The following MAP3K19 variants were observed in gnomAD, a reference collection of about 807,000 sequenced individuals.
MAP3K19 encodes mitogen-activated protein kinase kinase kinase 19.
MAP3K19 carries 91 observed loss-of-function variants against 114.4 expected under a neutral mutation model. The ratio of observed to expected loss-of-function variants is 0.80; its 90% CI spans 0.67 to 0.95. MAP3K19 has a LOEUF of 0.95. MAP3K19 is among the 40% of genes least tolerant of loss of function. The pLI is 0.00. For synonymous variants in MAP3K19, 518 were observed against 530.5 expected, an observed-to-expected ratio of 0.98 and a Z score of 0.32; for missense variants, 1,471 against 1,573.2, an observed-to-expected ratio of 0.94 and a Z score of 1.10.
chr2:135,037,627 G>A (rs1688561471), intron 2 of MAP3K19, among the ~76,000 whole-genome samples: 1 of 152,126 alleles, frequency 6.6e-6, no homozygotes, highest in East Asian at 1.9e-4. Context: ...GAGCAAAAGT[G>A]CCAAGTGTCT....
chr2:134,970,251 C>T (rs1683774214), intron 12 of MAP3K19, among the ~76,000 whole-genome samples: 1 of 152,098 alleles, frequency 6.6e-6, no homozygotes, highest in African/African-American at 2.4e-5. Flanking sequence ...TCTTGTGACC[C>T]ATGAGCATTT....
At position 134,983,672 on chromosome 2, in the gene MAP3K19, TTAC is replaced by T; in HGVS notation, c.3222+1_3222+3del. ...GCTGATTTCAAGTTTCCAGTTTAAC[TTAC>T]TGTGCCGTAGGCTCCCTTTCCAAGA... is the stretch of plus-strand genomic sequence containing the variant. On this transcript the variant is annotated splice_donor_variant and splice_donor_region_variant and intron_variant, in intron 11 of 12. Transcript: ENST00000392915. LOFTEE classifies it high-confidence loss of function. The T allele has an allele frequency of 6.5e-7, 1 of 1,540,894 alleles. No individual in the cohort carries two copies. Among genetic ancestry groups the T allele is most frequent in the Non-Finnish European group, 8.7e-7 (1 of 1,149,676 alleles).
chr2:134,992,278 C>G (rs1294492128), intron 8 of MAP3K19, among the ~76,000 whole-genome samples: 3 of 152,080 alleles, frequency 2.0e-5, no homozygotes, highest in Admixed American at 2.0e-4. Context: ...TAAGTGTCTC[C>G]CAACAGTTGT....
Position 135,033,373 on chromosome 2 carries a change from A to AC in MAP3K19, c.-283-2874dup, listed in dbSNP as rs1230827586. ...GGGCAGCTGGCCGGGTGGGGGGCTG[A>AC]CCCCCCCCACTGCCCTCCCGGACGG... On this transcript the variant is annotated intron_variant, in intron 2 of 12. Coordinates refer to ENST00000392915, the MANE Select transcript of MAP3K19 (RefSeq NM_025052.5). Among the ~76,000 whole-genome samples, 28 of 88,010 alleles carry AC rather than the reference A, an allele frequency of 3.2e-4. 2 individuals are homozygous for AC. The highest frequency in any genetic ancestry group is 7.7e-4 in the Admixed American group (6 of 7,788). 57.7% of individuals were successfully genotyped at this position (88,010 alleles called of 152,430 possible). A position where few individuals can be genotyped will look rare whatever the true frequency, so the allele number is the denominator to read the frequency against.
chr2:134,981,655 G>T, intron 11 of MAP3K19, 137 bp from the exon 12 acceptor site: 2 of 684,432 alleles, frequency 2.9e-6, no homozygotes, highest in Non-Finnish European at 4.9e-6. Flanking sequence ...CTTCCTAAAT[G>T]CAAAGTGTTT....
chr2:134,996,746 C>T lies in MAP3K19; in HGVS notation c.574+1992G>A, dbSNP rs147268436. Among the ~76,000 whole-genome samples the T allele has an allele frequency of 1.8e-3, 270 of 152,252 alleles. 1 individual carries two copies. Among genetic ancestry groups the T allele is most frequent in the Middle Eastern group, 6.8e-3 (2 of 294 alleles). Reference sequence around the variant, plus strand: ...TGGCAAGATATGAGGCTGAAAGAGGCTGTTGAAGCTGAACACGGTGGCTCA... The same window carrying T: ...TGGCAAGATATGAGGCTGAAAGAGGTTGTTGAAGCTGAACACGGTGGCTCA... On this transcript the variant is annotated intron_variant, in intron 8 of 12. Transcript: ENST00000392915.
rs1177443277 is a variant in MAP3K19, at chr2:134,987,446, G to A, written c.1426C>T (p.Pro476Ser). ...AGAGGCACCATCCTACTCATTTCTG[G>A]TTTGGCTCTTTCTGCTATTGATATT... ...IKISIAERAK[P>S]EMSRMVPLIH... The change falls in exon 10 of 13, where the codon CCA becomes TCA. Residue 476 changes from proline (P) to serine (S), a missense_variant. Physicochemically the swap from Pro to Ser is moderately conservative, Grantham distance 74. Transcript: ENST00000392915. 8.7e-6 allele frequency: 14 copies of A among 1,614,056 alleles called. No homozygotes were observed. Among genetic ancestry groups the A allele is most frequent in the African/African-American group, 1.3e-5 (1 of 74,994 alleles).
At chr2:134,969,095 C>T (rs1240534029) in intron 12 of MAP3K19, among the ~76,000 whole-genome samples, 1 of 152,188 alleles carries the variant, frequency 6.6e-6, no homozygotes, top group African/African-American at 2.4e-5. Context: ...CGTCTGCAAT[C>T]CCGGCACCTT....
chr2:134,999,799 C>T lies in MAP3K19; in HGVS notation c.314+138G>A. On this transcript the variant is annotated intron_variant, in intron 7 of 12. Transcript: ENST00000392915. The surrounding 1 kb of genome is among the most constrained non-coding windows in gnomAD (Gnocchi z 4.1). ...ACAGCCAAAGTGTTTATGATCTGGC[C>T]TCTGCCACATACTATTTATTGTGAC... 1.5e-6 allele frequency: 1 copy of T among 648,360 alleles called. No homozygotes were observed. Among genetic ancestry groups the T allele is most frequent in the Non-Finnish European group, 2.7e-6 (1 of 365,556 alleles). The allele number at this position is 648,360 out of a possible 1,614,324, so 40.2% of individuals were successfully genotyped here. A position where few individuals can be genotyped will look rare whatever the true frequency, so the allele number is the denominator to read the frequency against.
intron 12 of MAP3K19, among the ~76,000 whole-genome samples, chr2:134,979,887 C>T (rs949709124): frequency 5.3e-5 from 8 of 152,014 alleles, no homozygotes; most frequent in African/African-American, 1.9e-4. Context: ...GAGAGGGAGA[C>T]CTGTAGATTC....
rs547374035 is a variant in MAP3K19, at chr2:135,000,745, A to C, written c.236-730T>G. On this transcript the variant is annotated intron_variant, in intron 6 of 12. Coordinates refer to ENST00000392915, the MANE Select transcript of MAP3K19 (RefSeq NM_025052.5). ...TAGAAGCAAGTGGTGATGTGGGAGC[A>C]GAGAGGCGTGTCCTTCCGGGAGGAC... 3.3e-5 allele frequency among the ~76,000 whole-genome samples: 5 copies of C among 152,348 alleles called. No homozygotes were observed. The South Asian group carries it at 1.0e-3, about 32-fold the overall frequency.
intron 9 of MAP3K19, 87 bp from the exon 10 acceptor site, chr2:134,988,340 A>G (rs1342468098): frequency 8.8e-7 from 1 of 1,135,596 alleles, no homozygotes; most frequent in Admixed American, 2.6e-5. Context: ...AGAGATTATA[A>G]TATCCTCTTA....
At position 135,032,369 on chromosome 2, in the gene MAP3K19, A is replaced by G. The variant is rs544606295; in HGVS notation, c.-283-1869T>C. On this transcript the variant is annotated intron_variant, in intron 2 of 12. Coordinates refer to ENST00000392915, the MANE Select transcript of MAP3K19 (RefSeq NM_025052.5). ...GAGACTCTGTCTGAAAAAAAAAAAA[A>G]AAAAGAAAAGAAAAGAAAAACAGTC... Among the ~76,000 whole-genome samples the G allele has an allele frequency of 3.0e-3, 411 of 136,334 alleles. 1 individual carries two copies. The highest frequency in any genetic ancestry group is 0.012 in the African/African-American group (366 of 31,762). 89.4% of individuals were successfully genotyped at this position (136,334 alleles called of 152,430 possible).
At chr2:134,979,871 T>C (rs180740646) in intron 12 of MAP3K19, among the ~76,000 whole-genome samples, 3 of 152,176 alleles carry the variant, frequency 2.0e-5, no homozygotes, top group African/African-American at 7.2e-5. Context: ...GGCACATTCA[T>C]TGGCAGAGAG....
At chr2:135,021,306 TG>T (rs1687955253) in intron 5 of MAP3K19, among the ~76,000 whole-genome samples, 2 of 152,282 alleles carry the variant, frequency 1.3e-5, no homozygotes, top group South Asian at 4.1e-4. Context: ...AGTGAGCATA[TG>T]AGAGGTTGGC....
intron 11 of MAP3K19, among the ~76,000 whole-genome samples, chr2:134,982,214 G>A (rs1228189701): frequency 6.7e-6 from 1 of 148,754 alleles, no homozygotes; most frequent in Non-Finnish European, 1.5e-5. Flanking sequence ...AAATTCCTGG[G>A]CTCAAGCGAT....
chr2:134,970,216 G>T (rs1325498346), intron 12 of MAP3K19, among the ~76,000 whole-genome samples: 1 of 152,092 alleles, frequency 6.6e-6, no homozygotes, highest in African/African-American at 2.4e-5. Flanking sequence ...ACTTTGGTTA[G>T]TATGACCACT....
intron 4 of MAP3K19, chr2:135,023,487 T>C (rs2105375992): frequency 1.9e-6 from 1 of 533,462 alleles, no homozygotes. Context: ...ACAAGCCCAG[T>C]CCTACAGAAA....
At chr2:135,002,621 A>G (rs1316852503) in intron 6 of MAP3K19, among the ~76,000 whole-genome samples, 2 of 152,076 alleles carry the variant, frequency 1.3e-5, no homozygotes, top group Non-Finnish European at 2.9e-5. Flanking sequence ...TTTAAAAAAA[A>G]AAAACAGCTG....
Sources: gnomAD v4.1 joint callset for allele counts (sites outside exome capture counted in the v4.1 genomes callset) on GRCh38, gnomAD v4.1.1 for gene constraint, Gnocchi (gnomAD v3.1) non-coding constraint, MANE v1.5 for transcripts, NCBI Gene and HGNC (gene_info 2026-07-23, HGNC 2026-07-21) for gene names.